The following GRID1 variants were observed in gnomAD, a reference collection of about 807,000 sequenced individuals.
GRID1 encodes glutamate ionotropic receptor delta type subunit 1.
Under a neutral mutation model 98.0 loss-of-function variants are expected in GRID1, and 28 were observed. The observed-to-expected ratio is 0.29, with a 90% CI of 0.21 to 0.39. GRID1 has a LOEUF of 0.39. Ranked by LOEUF, GRID1 falls within the 10% of genes least tolerant of loss-of-function variation. GRID1 has a pLI of 1.00. For synonymous variants in GRID1, 553 were observed against 538.5 expected, an observed-to-expected ratio of 1.03 and a Z score of -0.37; for missense variants, 1,111 against 1,340.5, an observed-to-expected ratio of 0.83 and a Z score of 2.67.
intron 12 of GRID1, among the ~76,000 whole-genome samples, chr10:85,653,561 T>C (rs1210904957): frequency 6.6e-6 from 1 of 152,166 alleles, no homozygotes; most frequent in Non-Finnish European, 1.5e-5. Context: ...TGCTGGGGTG[T>C]ACACAGGAGC....
chr10:85,648,883 A>G (rs752526568), intron 12 of GRID1, among the ~76,000 whole-genome samples: 4 of 152,186 alleles, frequency 2.6e-5, no homozygotes. Flanking sequence ...GCCAGAGCAG[A>G]GACAAGCAAG....
At chr10:85,606,292 C>T (rs1382608020) in intron 15 of GRID1, 1 of 152,186 alleles carries the variant, frequency 6.6e-6, no homozygotes, top group African/African-American at 2.4e-5. Context: ...CAGAAAGTGT[C>T]TACACCAAAT....
In GRID1 at chr10:85,950,048, A is replaced by G. The variant is rs76836517; in HGVS notation, c.727-33809T>C. Among the ~76,000 whole-genome samples, 106 of 152,306 alleles carry G rather than the reference A, an allele frequency of 7.0e-4. 2 individuals carry two copies. In the East Asian group the frequency reaches 0.017, roughly 24 times the overall value. On this transcript the variant is annotated intron_variant, in intron 4 of 15. Transcript: ENST00000327946. Reference sequence around the variant, plus strand: ...ATAAATAGATAGATAACAGAGAGAGAGAGATACCTGGTAGGTAACAAAGCC... The same window carrying G: ...ATAAATAGATAGATAACAGAGAGAGGGAGATACCTGGTAGGTAACAAAGCC...
chr10:86,031,175 T>A (rs778912873), intron 4 of GRID1, among the ~76,000 whole-genome samples: 28 of 151,790 alleles, frequency 1.8e-4, no homozygotes, highest in Non-Finnish European at 3.7e-4. Flanking sequence ...GGAAAAAAAA[T>A]CCAAAATATA....
intron 3 of GRID1, among the ~76,000 whole-genome samples, chr10:86,175,812 C>A (rs1034585896): frequency 5.9e-5 from 9 of 152,146 alleles, no homozygotes; most frequent in African/African-American, 2.2e-4. Context: ...CGGGTTCAAG[C>A]GATTCTCCTG....
At chr10:85,630,442 C>T (rs1308911921) in intron 13 of GRID1, among the ~76,000 whole-genome samples, 1 of 152,210 alleles carries the variant, frequency 6.6e-6, no homozygotes, top group African/African-American at 2.4e-5. Context: ...CATTACCTTA[C>T]AGCTTAAAGT....
intron 12 of GRID1, among the ~76,000 whole-genome samples, chr10:85,667,836 C>A (rs574328383): frequency 6.6e-6 from 1 of 152,268 alleles, no homozygotes; most frequent in African/African-American, 2.4e-5. Flanking sequence ...TATTCTGTTC[C>A]CAGCTGTCTG....
intron 10 of GRID1, among the ~76,000 whole-genome samples, chr10:85,725,545 T>C (rs1328115794): frequency 6.6e-6 from 1 of 152,142 alleles, no homozygotes; most frequent in Non-Finnish European, 1.5e-5. Context: ...TCCGGATGGG[T>C]GGATGCCAGG....
At chr10:85,647,629 G>C (rs1843212766) in intron 12 of GRID1, 1 of 496,210 alleles carries the variant, frequency 2.0e-6, no homozygotes, top group African/African-American at 1.9e-5. Context: ...TAAGATGACT[G>C]GGCACCTAAA....
intron 12 of GRID1, among the ~76,000 whole-genome samples, chr10:85,683,592 C>A (rs370152995): frequency 6.6e-6 from 1 of 152,126 alleles, no homozygotes; most frequent in Non-Finnish European, 1.5e-5. Context: ...AAGAAAATTG[C>A]CATGAAATCC....
intron 2 of GRID1, among the ~76,000 whole-genome samples, chr10:86,220,336 G>A (rs535566441): frequency 1.1e-4 from 17 of 152,202 alleles, no homozygotes; most frequent in African/African-American, 2.9e-4. Context: ...ACCCGGACTC[G>A]AATCCCTGCT....
chr10:86,270,958 T>C (rs1847176643), intron 2 of GRID1, among the ~76,000 whole-genome samples: 1 of 152,186 alleles, frequency 6.6e-6, no homozygotes, highest in Non-Finnish European at 1.5e-5. Context: ...GTCTAGCAGA[T>C]GTCCTGAGTT....
chr10:86,051,694 T>C (rs978735515), intron 4 of GRID1, among the ~76,000 whole-genome samples: 22 of 152,366 alleles, frequency 1.4e-4, no homozygotes, highest in African/African-American at 5.1e-4. Context: ...ATAAGATGCT[T>C]AATCTTGTTC....
chr10:85,971,545 A>C (rs996199622), intron 4 of GRID1, among the ~76,000 whole-genome samples: 3 of 152,142 alleles, frequency 2.0e-5, no homozygotes, highest in Non-Finnish European at 2.9e-5. Flanking sequence ...AGTTCTGAAC[A>C]AGCCTTTTAC....
At chr10:85,774,412 T>C (rs1214237850) in intron 8 of GRID1, among the ~76,000 whole-genome samples, 5 of 152,178 alleles carry the variant, frequency 3.3e-5, no homozygotes, top group Non-Finnish European at 5.9e-5. Flanking sequence ...GACATAGGCA[T>C]GGGCAAGAAC....
intron 4 of GRID1, among the ~76,000 whole-genome samples, chr10:86,009,008 A>G (rs570742342): frequency 2.4e-4 from 37 of 152,210 alleles, no homozygotes; most frequent in Non-Finnish European, 4.7e-4. Context: ...GACACCATTC[A>G]CAACAGCGTC....
At chr10:85,912,221 A>G (rs1456018945) in intron 5 of GRID1, among the ~76,000 whole-genome samples, 1 of 152,222 alleles carries the variant, frequency 6.6e-6, no homozygotes, top group Non-Finnish European at 1.5e-5. Context: ...AGTTCTTTTG[A>G]ATCCCCTACC....
intron 2 of GRID1, among the ~76,000 whole-genome samples, chr10:86,276,775 C>G (rs942382578): frequency 6.6e-6 from 1 of 152,124 alleles, no homozygotes; most frequent in African/African-American, 2.4e-5. Flanking sequence ...CAGGCGTGAG[C>G]CACCGCACCC....
chr10:86,357,885 G>A (rs1302655203), intron 2 of GRID1, among the ~76,000 whole-genome samples: 3 of 152,156 alleles, frequency 2.0e-5, no homozygotes, highest in Non-Finnish European at 4.4e-5. Context: ...GACCCCGGGC[G>A]GCAAAGCAAG....
Sources: gnomAD v4.1 joint callset for allele counts (sites outside exome capture counted in the v4.1 genomes callset) on GRCh38, gnomAD v4.1.1 for gene constraint, MANE v1.5 for transcripts, NCBI Gene and HGNC (gene_info 2026-07-23, HGNC 2026-07-21) for gene names.